The following UBA2 variants were observed in gnomAD, a reference collection of about 807,000 sequenced individuals.
UBA2 encodes the protein SUMO-activating enzyme subunit 2.
Under a neutral mutation model 77.2 loss-of-function variants are expected in UBA2, and 11 were observed. That is an observed-to-expected ratio of 0.14 (90% CI 0.09 to 0.24). The LOEUF is 0.24. UBA2 is among the 10% of genes least tolerant of loss of function. The pLI, the probability that UBA2 is intolerant of heterozygous loss-of-function variation, is 1.00. For missense variants in UBA2, 487 were observed against 781.7 expected, an observed-to-expected ratio of 0.62 and a Z score of 4.50; for synonymous variants, 278 against 276.7, an observed-to-expected ratio of 1.00 and a Z score of -0.05.
intron 1 of UBA2, among the ~76,000 whole-genome samples, chr19:34,429,692 G>A (rs1047653632): frequency 3.3e-5 from 5 of 151,682 alleles, no homozygotes; most frequent in African/African-American, 1.2e-4. Flanking sequence ...GAAAATTAGC[G>A]GGGCGTGGTG....
At chr19:34,435,658 C>T (rs915826462) in intron 5 of UBA2, among the ~76,000 whole-genome samples, 1 of 151,808 alleles carries the variant, frequency 6.6e-6, no homozygotes, top group Non-Finnish European at 1.5e-5. Flanking sequence ...AGTGAAACCA[C>T]GTCTCTACAA....
chr19:34,454,649 A>G (rs1461472911), intron 12 of UBA2, 93 bp downstream of exon 12: 1 of 658,496 alleles, frequency 1.5e-6, no homozygotes, highest in African/African-American at 1.9e-5. Context: ...AATGAAAACA[A>G]TAAAATTGGT....
In UBA2 at chr19:34,464,483, G is replaced by A. The variant is rs564618874; in HGVS notation, c.1604+352G>A. Among the ~76,000 whole-genome samples the A allele has an allele frequency of 4.8e-4, 73 of 151,828 alleles. No individual in the cohort carries two copies. The South Asian group carries it at 0.014, about 29-fold the overall frequency. ...TAAGGTAGGAGAATCCCTTGAACCCGAGAGGTGGAGGTTGCAGTCAGCCGG... is the reference window on the plus strand; with the variant it reads ...TAAGGTAGGAGAATCCCTTGAACCCAAGAGGTGGAGGTTGCAGTCAGCCGG... On this transcript the variant is annotated intron_variant, in intron 15 of 16. Transcript: ENST00000246548.
chr19:34,471,085 C>T lies in UBA2; in HGVS notation c.*1864C>T, dbSNP rs1022231264. On this transcript the variant is annotated 3_prime_UTR_variant, in exon 17 of 17. Coordinates refer to ENST00000246548, the MANE Select transcript of UBA2 (RefSeq NM_005499.3). Reference sequence around the variant, plus strand: ...TAGCACTGTCTTCCTGGTCCCGGACCTCAGAGGGCTTTGCCTGTTAGGGTA... The same window carrying T: ...TAGCACTGTCTTCCTGGTCCCGGACTTCAGAGGGCTTTGCCTGTTAGGGTA... 4.6e-5 allele frequency: 7 copies of T among 152,198 alleles called. No homozygotes were observed. Among genetic ancestry groups the T allele is most frequent in the Non-Finnish European group, 8.8e-5 (6 of 68,054 alleles). The allele number at this position is 152,198 out of a possible 1,614,324, so 9.4% of individuals were successfully genotyped here. A position where few individuals can be genotyped will look rare whatever the true frequency, so the allele number is the denominator to read the frequency against.
intron 14 of UBA2, among the ~76,000 whole-genome samples, chr19:34,461,514 ATGTT>A (rs1262458624): frequency 1.3e-5 from 2 of 152,202 alleles, no homozygotes; most frequent in East Asian, 1.9e-4. Context: ...TTTTAAAAAA[ATGTT>A]TGTTTGTGAT....
At position 34,430,638 on chromosome 19, in the gene UBA2, T is replaced by C. The variant is rs1568365782; in HGVS notation, c.201T>C (p.His67=). Residue 67 remains histidine (H), a synonymous_variant, in exon 2 of 17, where the codon CAT becomes CAC. Coordinates refer to ENST00000246548, the MANE Select transcript of UBA2 (RefSeq NM_005499.3). The part of the protein sequence containing the change: ...LNRQFLFQKK[H]VGRSKAQVAK... Reference sequence around the variant, plus strand: ...GACAGTTTTTGTTTCAAAAGAAACATGTTGGAAGATCAAAGGCACAGGTAA... The same window carrying C: ...GACAGTTTTTGTTTCAAAAGAAACACGTTGGAAGATCAAAGGCACAGGTAA... The C allele has an allele frequency of 1.2e-6, 2 of 1,613,596 alleles. No homozygotes were observed. The highest frequency in any genetic ancestry group is 1.7e-6 in the Non-Finnish European group (2 of 1,179,648).
At chr19:34,428,645 G>T (rs1431403926) in intron 1 of UBA2, 75 bp downstream of exon 1, 4 of 1,237,614 alleles carry the variant, frequency 3.2e-6, no homozygotes, top group Non-Finnish European at 4.1e-6. Flanking sequence ...CGGGGCTCCA[G>T]GGGCTCTGAG....
At chr19:34,454,212 A>G in intron 10 of UBA2, 48 bp from the exon 11 acceptor site, 1 of 1,462,472 alleles carries the variant, frequency 6.8e-7, no homozygotes. Flanking sequence ...ATGCTTCAAA[A>G]TAGTCAATTT....
At chr19:34,434,703 G>A (rs1468512234) in intron 4 of UBA2, among the ~76,000 whole-genome samples, 165 bp from the exon 5 acceptor site, 2 of 152,148 alleles carry the variant, frequency 1.3e-5, no homozygotes, top group Non-Finnish European at 2.9e-5. Flanking sequence ...CTAAGTGAAT[G>A]TCTCTTAAAT....
chr19:34,430,487 A>G (rs1306321973), intron 1 of UBA2, 89 bp from the exon 2 acceptor site: 9 of 922,588 alleles, frequency 9.8e-6, no homozygotes, highest in African/African-American at 1.7e-5. Context: ...GCAGATATCA[A>G]AAGTTCTGGA....
At position 34,458,901 on chromosome 19, in the gene UBA2, A is replaced by T. The variant is rs2075601645; in HGVS notation, c.1378A>T (p.Thr460Ser). The T allele has an allele frequency of 6.2e-7, 1 of 1,613,822 alleles. No individual in the cohort carries two copies. The highest frequency in any genetic ancestry group is 1.3e-5 in the African/African-American group (1 of 74,898). The change falls in exon 13 of 17, where the codon ACT becomes TCT. Residue 460 changes from threonine to serine, a missense_variant. Physicochemically the swap from Thr to Ser is moderately conservative, Grantham distance 58 (BLOSUM62 1). Transcript: ENST00000246548. ...TGTGCGGCTGAATGTCCATAAAGTG[A>T]CTGTTCTCACCTTACAAGACAAGGT... Reference protein sequence around the residue: ...VTVRLNVHKVTVLTLQDKIVK... With the variant: ...VTVRLNVHKVSVLTLQDKIVK...
At chr19:34,455,226 C>G (rs2075544978) in intron 12 of UBA2, among the ~76,000 whole-genome samples, 3 of 152,144 alleles carry the variant, frequency 2.0e-5, no homozygotes, top group Admixed American at 1.3e-4. Flanking sequence ...TGCACGTGCC[C>G]TATGTTATTG....
Position 34,428,425 on chromosome 19 carries a change from G to C in UBA2, c.-8G>C. 7.9e-7 allele frequency: 1 copy of C among 1,258,174 alleles called. No individual in the cohort carries two copies. The highest frequency in any genetic ancestry group is 1.0e-6 in the Non-Finnish European group (1 of 1,000,066). 77.9% of individuals were successfully genotyped at this position (1,258,174 alleles called of 1,614,324 possible). A position where few individuals can be genotyped will look rare whatever the true frequency, so the allele number is the denominator to read the frequency against. ...TCCGCCTCCGCCGCGGCTCGTGGTTGTCCCGCCATGGCACTGTCGCGGGGG... is the reference window on the plus strand; with the variant it reads ...TCCGCCTCCGCCGCGGCTCGTGGTTCTCCCGCCATGGCACTGTCGCGGGGG... On this transcript the variant is annotated 5_prime_UTR_variant, in exon 1 of 17. Coordinates refer to ENST00000246548, the MANE Select transcript of UBA2 (RefSeq NM_005499.3).
Position 34,443,175 on chromosome 19 carries a change from T to A in UBA2, c.582-669T>A, listed in dbSNP as rs377689576. ...ATGGGGACTCTGCACCTGAGGTATA[T>A]AATAATGTTTGTTGAACAGGTAGCT... On this transcript the variant is annotated intron_variant, in intron 6 of 16. Coordinates refer to ENST00000246548, the MANE Select transcript of UBA2 (RefSeq NM_005499.3). Among the ~76,000 whole-genome samples the A allele has an allele frequency of 5.3e-5, 8 of 152,294 alleles. No individual in the cohort carries two copies. The South Asian group carries it at 1.7e-3, about 32-fold the overall frequency.
chr19:34,431,979 C>G (rs2075261310), intron 3 of UBA2, 48 bp downstream of exon 3: 1 of 865,698 alleles, frequency 1.2e-6, no homozygotes, highest in South Asian at 1.7e-5. Flanking sequence ...GTTTTGTAAG[C>G]CAAATATATA....
At chr19:34,464,827 T>C (rs1568386119) in intron 15 of UBA2, among the ~76,000 whole-genome samples, 2 of 152,204 alleles carry the variant, frequency 1.3e-5, no homozygotes, top group African/African-American at 4.8e-5. Context: ...TTGTCTGTAC[T>C]GGCTGGGCAT....
In UBA2 at chr19:34,454,545, C is replaced by G. The variant is rs917064114; in HGVS notation, c.1234C>G (p.Gln412Glu). 5 of 1,547,010 alleles carry G rather than the reference C, an allele frequency of 3.2e-6. No individual in the cohort carries two copies. The highest frequency in any genetic ancestry group is 4.4e-6 in the Non-Finnish European group (5 of 1,138,300). Reference protein sequence around the residue: ...GLKILSGKIDQCRTIFLNKQP... With the variant: ...GLKILSGKIDECRTIFLNKQP... ...GAAGATTTTATCAGGAAAAATAGAC[C>G]AGTGCAGAACAGTGAGTATTTCTGT... The change falls in exon 12 of 17, where the codon CAG becomes GAG. Residue 412 changes from glutamine to glutamate, a missense_variant. Around this residue, in one of 9 missense-constraint regions of UBA2, gnomAD observed 300 missense variants for 454.3 expected, o/e 0.66. Transcript: ENST00000246548.
At chr19:34,459,017 A>T (rs185288612) in intron 13 of UBA2, 93 bp downstream of exon 13, 6 of 1,321,542 alleles carry the variant, frequency 4.5e-6, no homozygotes, top group Non-Finnish European at 1.0e-6. Flanking sequence ...AAAAGGTCCA[A>T]CTGCAGAGAT....
At chr19:34,429,320 A>G (rs2075225141) in intron 1 of UBA2, 1 of 895,830 alleles carries the variant, frequency 1.1e-6, no homozygotes, top group Admixed American at 6.2e-5. Flanking sequence ...ATTTCTACTA[A>G]TGCAAACTTT....
Sources: allele counts gnomAD v4.1 joint callset (sites outside exome capture counted in the v4.1 genomes callset), GRCh38; gene constraint gnomAD v4.1.1; regional missense constraint gnomAD v4.1.1; transcripts MANE v1.5; gene names NCBI Gene and HGNC (gene_info 2026-07-23, HGNC 2026-07-21).